The following CACNB3 variants were observed in gnomAD, a reference collection of about 807,000 sequenced individuals.
The protein encoded by CACNB3 is voltage-dependent L-type calcium channel subunit beta-3.
A neutral mutation model predicts 63.7 loss-of-function variants in CACNB3; 36 were observed. That is an observed-to-expected ratio of 0.57 (90% confidence interval 0.43 to 0.75). The LOEUF is 0.75. CACNB3 is among the 30% of genes least tolerant of loss of function. CACNB3 has a pLI of 0.00. For missense variants in CACNB3, 493 were observed against 648.6 expected, an observed-to-expected ratio of 0.76 and a Z score of 2.61; for synonymous variants, 241 against 250.6, an observed-to-expected ratio of 0.96 and a Z score of 0.36.
upstream of CACNB3, chr12:48,814,809 A>G: frequency 5.1e-6 from 2 of 388,418 alleles, no homozygotes; most frequent in Non-Finnish European, 9.1e-6. This position sits in a 1 kb window ranked among gnomAD's most constrained non-coding sequence, Gnocchi z 6.9. Flanking sequence ...ACCGGACACC[A>G]GGCGGTGCCG....
chr12:48,818,177 C>A (rs1942333285), upstream of CACNB3, among the ~76,000 whole-genome samples: 1 of 152,156 alleles, frequency 6.6e-6, no homozygotes, highest in Non-Finnish European at 1.5e-5. The surrounding 1 kb of genome is among the most constrained non-coding windows in gnomAD (Gnocchi z 4.3). Flanking sequence ...CGGGCCCAGA[C>A]CCGCCCTGCT....
At chr12:48,827,496 G>T in intron 12 of CACNB3, 89 bp from the exon 13 acceptor site, 2 of 1,213,772 alleles carry the variant, frequency 1.6e-6, no homozygotes, top group Non-Finnish European at 2.3e-6. Context: ...CCGGGGAATT[G>T]AGAGTTGAGG....
chr12:48,824,062 C>T (rs1337883027), intron 3 of CACNB3, 196 bp from the exon 4 acceptor site: 2 of 663,378 alleles, frequency 3.0e-6, no homozygotes, highest in Admixed American at 5.9e-5. Context: ...CCTGTGACAG[C>T]TGCAATGCCT....
intron 1 of CACNB3, chr12:48,819,604 G>T (rs570751296): frequency 2.3e-6 from 1 of 437,684 alleles, no homozygotes; most frequent in Non-Finnish European, 4.6e-6. Flanking sequence ...CACATGGGTA[G>T]GCCAGGTGAC....
At chr12:48,815,689 G>A (rs1942268571), upstream of CACNB3, 1 of 1,506,502 alleles carries the variant, frequency 6.6e-7, no homozygotes, top group Non-Finnish European at 8.8e-7. Context: ...CCTGGTCTAT[G>A]TCTTTTTCTG....
At position 48,828,786 on chromosome 12, in the gene CACNB3, C is replaced by T. The variant is rs906389882; in HGVS notation, c.*887C>T. The T allele has an allele frequency of 4.4e-6, 2 of 456,372 alleles. No homozygotes were observed. The highest frequency in any genetic ancestry group is 8.8e-6 in the Non-Finnish European group (2 of 226,754). The allele number at this position is 456,372 out of a possible 1,614,324, so 28.3% of individuals were successfully genotyped here. On this transcript the variant is annotated 3_prime_UTR_variant, in exon 13 of 13. Coordinates refer to ENST00000301050, the MANE Select transcript of CACNB3 (RefSeq NM_000725.4). ...TTTGTTCCCTGACTCATAGCTGCCG[C>T]TTGTTAGGTTAGGGTTAGATGGGGA...
intron 1 of CACNB3, among the ~76,000 whole-genome samples, chr12:48,821,738 C>T (rs144864694): frequency 2.6e-5 from 4 of 152,290 alleles, no homozygotes; most frequent in African/African-American, 9.6e-5. Context: ...GGTCCCTCAC[C>T]CTGTGCAAAG....
At chr12:48,824,831 T>C in intron 5 of CACNB3, 98 bp downstream of exon 5, 1 of 1,527,628 alleles carries the variant, frequency 6.5e-7, no homozygotes, top group Non-Finnish European at 9.1e-7. Context: ...GAAGGGTTTG[T>C]GGAGGGATTG....
upstream of CACNB3, chr12:48,815,740 GGGGGTGT>G: frequency 1.4e-6 from 2 of 1,406,880 alleles, no homozygotes; most frequent in Non-Finnish European, 1.9e-6. Context: ...TAACCGTGGG[GGGGGTGT>G]GGGGTCGTGG....
chr12:48,819,136 C>T (rs1486087417), intron 1 of CACNB3, among the ~76,000 whole-genome samples, 162 bp downstream of exon 1: 1 of 151,994 alleles, frequency 6.6e-6, no homozygotes, highest in East Asian at 1.9e-4. Flanking sequence ...TCATGCCAAG[C>T]GTTCCCCAGC....
upstream of CACNB3, chr12:48,815,541 A>G: frequency 6.7e-7 from 1 of 1,485,390 alleles, no homozygotes; most frequent in Non-Finnish European, 8.9e-7. Flanking sequence ...ACCAGGGGAG[A>G]GGGAAGGGAG....
In CACNB3 at chr12:48,826,837, C is replaced by T; in HGVS notation, c.973C>T (p.Leu325=). 2 of 1,614,026 alleles carry T rather than the reference C, an allele frequency of 1.2e-6. No individual in the cohort carries two copies. Among genetic ancestry groups the T allele is most frequent in the Non-Finnish European group, 1.7e-6 (2 of 1,179,922 alleles). ...CGTACAGATGATGGCATATGATAAG[C>T]TGGTTCAGTGCCCACCGGTGAGTGC... The part of the protein sequence containing the change: ...LTVQMMAYDK[L]VQCPPESFDV... The change falls in exon 11 of 13, where the codon CTG becomes TTG. Residue 325 remains leucine (L), a synonymous_variant. Transcript: ENST00000301050. This position sits in a 1 kb window ranked among gnomAD's most constrained non-coding sequence, Gnocchi z 4.8.
rs2137473054 is a variant in CACNB3 at position 48,828,451 on chromosome 12, C to T, written c.*552C>T. On this transcript the variant is annotated 3_prime_UTR_variant, in exon 13 of 13. Transcript: ENST00000301050. Reference sequence around the variant, plus strand: ...CACCCATCTGTTTGCTGGGGTGTGGCAGCCACATCCAAGACTGGAGCAGCA... The same window carrying T: ...CACCCATCTGTTTGCTGGGGTGTGGTAGCCACATCCAAGACTGGAGCAGCA... The T allele has an allele frequency of 5.8e-6, 2 of 344,322 alleles. No individual in the cohort carries two copies. Among genetic ancestry groups the T allele is most frequent in the African/African-American group, 2.1e-5 (1 of 46,712 alleles). The allele number at this position is 344,322 out of a possible 1,614,324, so 21.3% of individuals were successfully genotyped here.
At chr12:48,819,646 A>G (rs1393773062) in intron 1 of CACNB3, 1 of 455,098 alleles carries the variant, frequency 2.2e-6, no homozygotes, top group Non-Finnish European at 4.4e-6. Context: ...CCCCCTGCTG[A>G]GGCTTCCTCT....
chr12:48,815,433 A>T, upstream of CACNB3: 11 of 755,988 alleles, frequency 1.5e-5, no homozygotes, highest in South Asian at 2.1e-4. Context: ...AAGTGGAGAG[A>T]GGCTGGGCTG....
upstream of CACNB3, chr12:48,814,640 T>TC: frequency 7.5e-7 from 1 of 1,333,718 alleles, no homozygotes; most frequent in Non-Finnish European, 1.0e-6. This position sits in a 1 kb window ranked among gnomAD's most constrained non-coding sequence, Gnocchi z 6.9. Context: ...GCCTGGGGTC[T>TC]CCTACTGGGG....
chr12:48,824,478 C>A, intron 4 of CACNB3, 105 bp downstream of exon 4: 1 of 1,111,848 alleles, frequency 9.0e-7, no homozygotes. Flanking sequence ...CCCTGAAATA[C>A]ACATACACGT....
chr12:48,827,831 G>A lies in CACNB3; in HGVS notation c.1387G>A (p.Asp463Asn). 1 of 1,614,150 alleles carries A rather than the reference G, an allele frequency of 6.2e-7. No individual in the cohort carries two copies. Among genetic ancestry groups the A allele is most frequent in the Non-Finnish European group, 8.5e-7 (1 of 1,180,020 alleles). ...CCCCCAAGACCGGCTTCTAGCCCAGGACTCAGAGCACAACCACAGTGACCG... is the reference window on the plus strand; with the variant it reads ...CCCCCAAGACCGGCTTCTAGCCCAGAACTCAGAGCACAACCACAGTGACCG... ...HDPQDRLLAQ[D>N]SEHNHSDRNW... Residue 463 changes from aspartate (D) to asparagine (N), a missense_variant, in exon 13 of 13, where the codon GAC becomes AAC. Transcript: ENST00000301050.
At chr12:48,815,301 A>C, upstream of CACNB3, 1 of 279,708 alleles carries the variant, frequency 3.6e-6, no homozygotes, top group Non-Finnish European at 7.1e-6. Flanking sequence ...CTTTCTCGGG[A>C]GGACTTTAGG....
Sources: gnomAD v4.1 joint callset for allele counts (sites outside exome capture counted in the v4.1 genomes callset) on GRCh38, gnomAD v4.1.1 for gene constraint, Gnocchi (gnomAD v3.1) non-coding constraint, MANE v1.5 for transcripts, NCBI Gene and HGNC (gene_info 2026-07-23, HGNC 2026-07-21) for gene names.